TTC29: variants seen among roughly 807,000 people sequenced by gnomAD.
TTC29 encodes tetratricopeptide repeat protein 29.
A neutral mutation model predicts 58.1 loss-of-function variants in TTC29; 49 were observed. The observed-to-expected ratio is 0.84, with a 90% confidence interval of 0.67 to 1.07. The LOEUF (loss-of-function observed/expected upper bound fraction) is 1.07, where lower values mean the gene tolerates loss of function less well. TTC29 is among the 50% of genes least tolerant of loss of function. The probability of loss-of-function intolerance (pLI) is 0.00; values close to 1 mark genes in which losing one functional copy is unlikely to be tolerated. For synonymous variants in TTC29, 209 were observed against 196.8 expected (o/e 1.06, Z -0.52); for missense variants, 582 against 555.6 (o/e 1.05, Z -0.48).
chr4:146,861,839 A>G (rs1454717906), intron 8 of TTC29, among the ~76,000 whole-genome samples: 3 of 152,190 alleles, frequency 2.0e-5, no homozygotes, highest in Non-Finnish European at 4.4e-5. Context: ...AAGGGAGAAA[A>G]TTATGAGAGG....
chr4:146,909,335 G>T, intron 4 of TTC29, 86 bp from the exon 5 acceptor site: 1 of 1,076,120 alleles, frequency 9.3e-7, no homozygotes, highest in Non-Finnish European at 1.3e-6. Context: ...ATTAAAGGTT[G>T]AATCATGTTG....
intron 11 of TTC29, among the ~76,000 whole-genome samples, chr4:146,729,900 A>C (rs1744202063): frequency 6.6e-6 from 1 of 151,856 alleles, no homozygotes; most frequent in African/African-American, 2.4e-5. Flanking sequence ...CCCTCCCTCG[A>C]TACGTGGGGA....
chr4:146,754,330 A>G (rs1746266785), intron 11 of TTC29, among the ~76,000 whole-genome samples: 1 of 152,064 alleles, frequency 6.6e-6, no homozygotes, highest in African/African-American at 2.4e-5. Flanking sequence ...TTTTAAACAA[A>G]TAAAAGCCCA....
chr4:146,771,394 A>G (rs765554576), intron 11 of TTC29, among the ~76,000 whole-genome samples: 45 of 151,914 alleles, frequency 3.0e-4, no homozygotes, highest in Non-Finnish European at 4.7e-4. Flanking sequence ...GTAGTTTTTC[A>G]ATCCTGTCCC....
chr4:146,923,854 C>T (rs1424590617), intron 4 of TTC29, among the ~76,000 whole-genome samples: 1 of 151,496 alleles, frequency 6.6e-6, no homozygotes, highest in Non-Finnish European at 1.5e-5. Flanking sequence ...GACTGTCTGC[C>T]AAATATAAGA....
intron 4 of TTC29, among the ~76,000 whole-genome samples, chr4:146,921,226 T>C (rs1734558312): frequency 6.6e-6 from 1 of 151,390 alleles, no homozygotes; most frequent in South Asian, 2.1e-4. Context: ...ATATAAAAGA[T>C]CTTGTATATA....
intron 4 of TTC29, among the ~76,000 whole-genome samples, chr4:146,925,326 C>A (rs899507312): frequency 2.6e-5 from 4 of 152,006 alleles, no homozygotes; most frequent in African/African-American, 9.7e-5. Context: ...GGTTTTTCTA[C>A]TTCTCCTCTT....
At chr4:146,863,724 G>A (rs1730393318) in intron 8 of TTC29, among the ~76,000 whole-genome samples, 1 of 152,178 alleles carries the variant, frequency 6.6e-6, no homozygotes, top group African/African-American at 2.4e-5. Flanking sequence ...CAGGAGAGCT[G>A]GTGGTGTAGT....
chr4:146,804,892 C>A (rs895665319), intron 10 of TTC29, among the ~76,000 whole-genome samples: 7 of 152,218 alleles, frequency 4.6e-5, no homozygotes, highest in African/African-American at 1.7e-4. Flanking sequence ...TGCTAAGGGA[C>A]AGACTGCCTC....
Position 146,817,836 on chromosome 4 carries a change from G to C in TTC29, c.1101+2289C>G, listed in dbSNP as rs548698013. On this transcript the variant is annotated intron_variant, in intron 10 of 12. Transcript: ENST00000325106. ...TGAGAAAAACAAGCAATGGGGAAAG[G>C]ATTCCCTATTTAATACATGATGCTG... Among the ~76,000 whole-genome samples, 294 of 152,292 alleles carry C rather than the reference G, an allele frequency of 1.9e-3. 2 individuals carry two copies. Among genetic ancestry groups the C allele is most frequent in the Non-Finnish European group, 3.6e-3 (247 of 68,026 alleles).
At chr4:146,915,622 C>T (rs1318412425) in intron 4 of TTC29, among the ~76,000 whole-genome samples, 1 of 151,990 alleles carries the variant, frequency 6.6e-6, no homozygotes, top group Admixed American at 6.6e-5. Context: ...ATAGAAATTA[C>T]AATTTATTTT....
rs778736183 is a variant in TTC29 at position 146,903,647 on chromosome 4, G to A, written c.483C>T (p.His161=). The A allele has an allele frequency of 3.0e-5, 49 of 1,612,966 alleles. No individual in the cohort carries two copies. The Middle Eastern group carries it at 9.9e-4, about 32-fold the overall frequency. ...CAATCTTAAAACATCGTTCATAGAA[G>A]TGGTTCCTTACCCACTTGTCTTCAG... ...NNSEDKWVRN[H]FYERCFKIAQ... is the part of the protein sequence containing the mutation. The change falls in exon 6 of 13, where the codon CAC becomes CAT. Residue 161 remains histidine, a synonymous_variant. Transcript: ENST00000325106.
rs1736203689 is a variant in TTC29 at position 146,939,868 on chromosome 4, T to C, written c.28A>G (p.Thr10Ala). The part of the protein sequence containing the change: MTTLPPLPM[T>A]RPKLTALARQ... ...GCTAAGGCTGTAAGCTTCGGGCGTG[T>C]CATGGGCAGTGGGGGCAGGGTGGTC... Residue 10 changes from threonine (T) to alanine (A), a missense_variant, in exon 3 of 13, where the codon ACA becomes GCA. Thr to Ala is a moderately conservative substitution (Grantham distance 58). Coordinates refer to ENST00000325106, the MANE Select transcript of TTC29 (RefSeq NM_031956.4). 6.2e-7 allele frequency: 1 copy of C among 1,613,202 alleles called. No homozygotes were observed. Among genetic ancestry groups the C allele is most frequent in the Admixed American group, 1.7e-5 (1 of 59,846 alleles).
At chr4:146,856,850 G>A (rs189959753) in intron 8 of TTC29, among the ~76,000 whole-genome samples, 192 of 151,708 alleles carry the variant, frequency 1.3e-3, no homozygotes, top group African/African-American at 4.4e-3. Context: ...TGTTAAATTA[G>A]TACCATAAAG....
intron 5 of TTC29, among the ~76,000 whole-genome samples, chr4:146,908,593 CT>C (rs1273087288): frequency 6.6e-6 from 1 of 152,124 alleles, no homozygotes; most frequent in Non-Finnish European, 1.5e-5. Flanking sequence ...AGTAGGACTT[CT>C]TGACCCAAAC....
intron 10 of TTC29, among the ~76,000 whole-genome samples, chr4:146,812,217 C>T (rs1302177986): frequency 6.6e-6 from 1 of 151,778 alleles, no homozygotes; most frequent in Non-Finnish European, 1.5e-5. Flanking sequence ...TATAATTAGG[C>T]CAAACATAAC....
intron 11 of TTC29, among the ~76,000 whole-genome samples, chr4:146,747,868 C>A (rs561761964): frequency 2.0e-5 from 3 of 152,196 alleles, no homozygotes; most frequent in Admixed American, 6.5e-5. Context: ...CCCAGCACCC[C>A]ACCTACCTGG....
At chr4:146,898,148 G>T (rs963655098) in intron 6 of TTC29, among the ~76,000 whole-genome samples, 1 of 152,170 alleles carries the variant, frequency 6.6e-6, no homozygotes, top group African/African-American at 2.4e-5. Context: ...GATAATTAGG[G>T]AAGGGTACTG....
At chr4:146,942,733 T>A in intron 2 of TTC29, 11 of 977,350 alleles carry the variant, frequency 1.1e-5, no homozygotes, top group Non-Finnish European at 1.6e-5. Context: ...TTTGCCTCAT[T>A]TGGGGCATTC....
Sources: gnomAD v4.1 joint callset for allele counts (sites outside exome capture counted in the v4.1 genomes callset) on GRCh38, gnomAD v4.1.1 for gene constraint, MANE v1.5 for transcripts, NCBI Gene and HGNC (gene_info 2026-07-23, HGNC 2026-07-21) for gene names.